Variants in SLC22A25 observed in about 807,000 individuals in gnomAD.
The protein encoded by SLC22A25 is solute carrier family 22 member 25.
Under a neutral mutation model 45.9 loss-of-function variants are expected in SLC22A25, and 44 were observed. The observed-to-expected ratio is 0.96, with a 90% CI of 0.75 to 1.23. The LOEUF (loss-of-function observed/expected upper bound fraction) is 1.23. SLC22A25 is among the 50% of genes most tolerant of loss of function. The probability of loss-of-function intolerance (pLI) is 0.00; values close to 1 mark genes in which losing one functional copy is unlikely to be tolerated. For missense variants in SLC22A25, 800 were observed against 666.4 expected, an observed-to-expected ratio of 1.20 and a Z score of -2.21; for synonymous variants, 283 against 238.6, an observed-to-expected ratio of 1.19 and a Z score of -1.72.
At chr11:63,175,825 G>GTGTA (rs36011311) in intron 9 of SLC22A25, among the ~76,000 whole-genome samples, 2 of 150,332 alleles carry the variant, frequency 1.3e-5, no homozygotes, top group African/African-American at 4.9e-5. Flanking sequence ...AATTGGGTGT[G>GTGTA]TATATATATA....
intron 7 of SLC22A25, among the ~76,000 whole-genome samples, chr11:63,194,680 A>G (rs1386159255): frequency 2.6e-5 from 4 of 152,004 alleles, no homozygotes; most frequent in African/African-American, 9.7e-5. Flanking sequence ...ATCAGCTAAC[A>G]TCATAATGAC....
At chr11:63,188,615 C>T (rs988474179) in intron 7 of SLC22A25, among the ~76,000 whole-genome samples, 167 of 152,290 alleles carry the variant, frequency 1.1e-3, no homozygotes, top group African/African-American at 3.9e-3. Flanking sequence ...TCTTGTTTCT[C>T]TAGTTCTTTT....
chr11:63,190,957 A>C (rs1188593399), intron 7 of SLC22A25, among the ~76,000 whole-genome samples: 2 of 152,148 alleles, frequency 1.3e-5, no homozygotes, highest in East Asian at 3.9e-4. Context: ...GTCTGCCCCT[A>C]CTGGGGGCTG....
intron 5 of SLC22A25, among the ~76,000 whole-genome samples, chr11:63,226,623 G>A (rs528878399): frequency 6.6e-6 from 1 of 152,322 alleles, no homozygotes; most frequent in East Asian, 1.9e-4. Flanking sequence ...TCTTGGCCAA[G>A]GCCCAAGGTA....
intron 9 of SLC22A25, among the ~76,000 whole-genome samples, chr11:63,174,315 C>T (rs1340040009): frequency 1.3e-5 from 2 of 151,966 alleles, no homozygotes; most frequent in East Asian, 1.9e-4. Flanking sequence ...TGGATTTTCT[C>T]TAGGATAGCA....
intron 7 of SLC22A25, among the ~76,000 whole-genome samples, chr11:63,216,077 C>T: frequency 6.6e-6 from 1 of 151,976 alleles, no homozygotes; most frequent in South Asian, 2.1e-4. Context: ...ACATTTGCAA[C>T]AGTTTTCAAA....
chr11:63,210,792 G>C (rs1163865267), intron 7 of SLC22A25, among the ~76,000 whole-genome samples: 1 of 152,164 alleles, frequency 6.6e-6, no homozygotes, highest in African/African-American at 2.4e-5. Context: ...GGCTACTGGG[G>C]CCAAAGAAAA....
chr11:63,174,324 C>A (rs1443878033), intron 9 of SLC22A25, among the ~76,000 whole-genome samples: 4 of 152,146 alleles, frequency 2.6e-5, no homozygotes, highest in African/African-American at 4.8e-5. Flanking sequence ...TCTAGGATAG[C>A]AATGAGAACA....
rs191183169 is a variant in SLC22A25, at chr11:63,172,760, A to C, written c.1071-6502T>G. 2.3e-3 allele frequency among the ~76,000 whole-genome samples: 356 copies of C among 151,628 alleles called. 1 individual carries two copies. Among genetic ancestry groups the C allele is most frequent in the African/African-American group, 8.2e-3 (338 of 41,322 alleles). ...TGTGGAGAAATAGAAACAATTTTACACTGTTGGTGGGAGTGTAAATTAGTT... is the reference window on the plus strand; with the variant it reads ...TGTGGAGAAATAGAAACAATTTTACCCTGTTGGTGGGAGTGTAAATTAGTT... On this transcript the variant is annotated intron_variant, in intron 9 of 11. Transcript: ENST00000306494.
intron 11 of SLC22A25, among the ~76,000 whole-genome samples, chr11:63,164,301 T>G (rs1488308446): frequency 6.6e-6 from 1 of 152,216 alleles, no homozygotes; most frequent in Non-Finnish European, 1.5e-5. Flanking sequence ...CATCAACCTT[T>G]CAGGTGGTTC....
Position 63,180,694 on chromosome 11 carries a change from T to C in SLC22A25, c.1036A>G (p.Ile346Val), listed in dbSNP as rs1378173781. 2 of 1,613,056 alleles carry C rather than the reference T, an allele frequency of 1.2e-6. No individual in the cohort carries two copies. The highest frequency in any genetic ancestry group is 1.3e-5 in the African/African-American group (1 of 74,882). The change falls in exon 9 of 12, where the codon ATA (isoleucine) becomes GTA (valine). Residue 346 changes from isoleucine to valine, a missense_variant. Transcript: ENST00000306494. ...GACAGGAAACAGATTCTTTTACATA[T>C]GTTGGGTATGCGGAGCAATTCACAA... Reference protein sequence around the residue: ...SLCELLRIPNICKRICFLSFV... With the variant: ...SLCELLRIPNVCKRICFLSFV...
intron 7 of SLC22A25, among the ~76,000 whole-genome samples, chr11:63,195,683 C>T (rs1191522658): frequency 6.6e-6 from 1 of 151,962 alleles, no homozygotes. Context: ...CCTAACATCG[C>T]AATTAAAAGA....
chr11:63,228,002 G>T (rs2089995514), intron 5 of SLC22A25, among the ~76,000 whole-genome samples: 1 of 152,216 alleles, frequency 6.6e-6, no homozygotes, highest in Non-Finnish European at 1.5e-5. Flanking sequence ...CAGTGCTGGG[G>T]GATGGAGATG....
chr11:63,180,639 C>T, intron 9 of SLC22A25, 21 bp downstream of exon 9: 1 of 1,539,526 alleles, frequency 6.5e-7, no homozygotes, highest in Non-Finnish European at 8.9e-7. Context: ...TAACATTCCT[C>T]ACACACTGCA....
At chr11:63,205,082 AG>A (rs2089359899) in intron 7 of SLC22A25, among the ~76,000 whole-genome samples, 1 of 152,230 alleles carries the variant, frequency 6.6e-6, no homozygotes, top group Admixed American at 6.5e-5. Context: ...AACAAAATTA[AG>A]GCAGAAAAAA....
rs1565054212 is a variant in SLC22A25 at position 63,163,193 on chromosome 11, T to C, written c.*631A>G. On this transcript the variant is annotated 3_prime_UTR_variant, in exon 12 of 12. Coordinates refer to ENST00000306494, the MANE Select transcript of SLC22A25 (RefSeq NM_199352.6). ...CTTGAATAGCTTCAACTCTCACACT[T>C]GGACACCATGGCATTGACCAAAGGG... is the stretch of plus-strand genomic sequence containing the variant. 6.6e-6 allele frequency among the ~76,000 whole-genome samples: 1 copy of C among 152,164 alleles called. No individual in the cohort carries two copies. The highest frequency in any genetic ancestry group is 1.5e-5 in the Non-Finnish European group (1 of 68,030).
intron 7 of SLC22A25, among the ~76,000 whole-genome samples, chr11:63,187,011 T>C (rs2088581003): frequency 6.6e-6 from 1 of 152,216 alleles, no homozygotes; most frequent in Admixed American, 6.5e-5. Flanking sequence ...TGGCTTGGGA[T>C]TGACTTGGCA....
At chr11:63,175,691 C>G (rs76048053) in intron 9 of SLC22A25, among the ~76,000 whole-genome samples, 2,687 of 152,042 alleles carry the variant, frequency 0.018, 67 homozygotes, top group African/African-American at 0.049. Flanking sequence ...TGTCATGAAG[C>G]TTTTCACCTA....
At chr11:63,237,420 C>T (rs1204819763) in intron 3 of SLC22A25, among the ~76,000 whole-genome samples, 1 of 152,102 alleles carries the variant, frequency 6.6e-6, no homozygotes, top group African/African-American at 2.4e-5. Flanking sequence ...GGATGAAATC[C>T]AGCCCCCATT....
Sources: gnomAD v4.1 joint callset for allele counts (sites outside exome capture counted in the v4.1 genomes callset) on GRCh38, gnomAD v4.1.1 for gene constraint, MANE v1.5 for transcripts, NCBI Gene and HGNC (gene_info 2026-07-23, HGNC 2026-07-21) for gene names.